EXOC4: variants seen among roughly 807,000 people sequenced by gnomAD.
EXOC4 encodes the protein exocyst complex component 4.
EXOC4 carries 71 observed loss-of-function variants against 107.2 expected under a neutral mutation model. The observed-to-expected ratio is 0.66, with a 90% confidence interval of 0.55 to 0.81. EXOC4 has a LOEUF of 0.81. EXOC4 is among the 30% of genes least tolerant of loss of function. EXOC4 has a pLI of 0.00. For missense variants in EXOC4, 1,108 were observed against 1,189.6 expected, an observed-to-expected ratio of 0.93 and a Z score of 1.01; for synonymous variants, 456 against 441.2, an observed-to-expected ratio of 1.03 and a Z score of -0.42.
chr7:133,976,121 C>G (rs1235211363), intron 14 of EXOC4, among the ~76,000 whole-genome samples: 1 of 152,168 alleles, frequency 6.6e-6, no homozygotes, highest in African/African-American at 2.4e-5. Context: ...CCTAGAATGA[C>G]TTAATGGTCA....
At chr7:133,439,200 T>TTTTTG (rs1798045664) in intron 7 of EXOC4, among the ~76,000 whole-genome samples, 1 of 147,636 alleles carries the variant, frequency 6.8e-6, no homozygotes, top group African/African-American at 2.5e-5. Flanking sequence ...TTTTTTTTTT[T>TTTTTG]TTTGAGATGG....
intron 10 of EXOC4, among the ~76,000 whole-genome samples, chr7:133,668,275 A>C (rs1173743112): frequency 6.6e-6 from 1 of 152,246 alleles, no homozygotes; most frequent in Non-Finnish European, 1.5e-5. Context: ...TAAGTCCAAT[A>C]AAAATGTATA....
At chr7:133,509,192 G>T (rs1799720321) in intron 9 of EXOC4, among the ~76,000 whole-genome samples, 1 of 152,152 alleles carries the variant, frequency 6.6e-6, no homozygotes, top group Admixed American at 6.5e-5. Flanking sequence ...ACTTTGGGAG[G>T]CCGAGGTGGG....
chr7:134,027,847 C>A (rs1259228218), intron 17 of EXOC4, among the ~76,000 whole-genome samples: 1 of 152,116 alleles, frequency 6.6e-6, no homozygotes, highest in Non-Finnish European at 1.5e-5. Context: ...GAGATGGTAT[C>A]TTCTAGCCCC....
chr7:134,041,696 G>T lies in EXOC4; in HGVS notation c.2688-22595G>T, dbSNP rs554803720. On this transcript the variant is annotated intron_variant, in intron 17 of 17. Transcript: ENST00000253861. ...AAAGATTTAGATAAGTGCTGAGGGGGCTTATTGAAAACTCCATAAAGTTCC... is the reference window on the plus strand; with the variant it reads ...AAAGATTTAGATAAGTGCTGAGGGGTCTTATTGAAAACTCCATAAAGTTCC... Among the ~76,000 whole-genome samples the T allele has an allele frequency of 2.6e-5, 4 of 152,182 alleles. No homozygotes were observed. In the East Asian group the frequency reaches 7.7e-4, roughly 29 times the overall value.
chr7:133,701,997 C>CTTTTTTTTTTTTTTTTTTT (rs71162021), intron 10 of EXOC4, among the ~76,000 whole-genome samples: 1 of 66,608 alleles, frequency 1.5e-5, no homozygotes, highest in African/African-American at 5.4e-5. Context: ...TTCTTTCTTT[C>CTTTTTTTTTTTTTTTTTTT]TTTTTTTTTT....
At chr7:133,867,540 A>C (rs978431565) in intron 11 of EXOC4, among the ~76,000 whole-genome samples, 18 of 152,080 alleles carry the variant, frequency 1.2e-4, no homozygotes, top group African/African-American at 4.1e-4. Flanking sequence ...TTTCCTGGGG[A>C]ACCATTCTTT....
At chr7:133,621,866 T>C (rs997625838) in intron 9 of EXOC4, among the ~76,000 whole-genome samples, 2 of 152,166 alleles carry the variant, frequency 1.3e-5, no homozygotes, top group African/African-American at 2.4e-5. Flanking sequence ...TGCAAGACGT[T>C]GTTTGGGTCT....
At chr7:133,456,148 C>A (rs1798458183) in intron 7 of EXOC4, among the ~76,000 whole-genome samples, 1 of 152,098 alleles carries the variant, frequency 6.6e-6, no homozygotes, top group Admixed American at 6.6e-5. Flanking sequence ...GTGAAAGCAC[C>A]TCTATTCCAG....
chr7:133,472,567 A>G (rs1020498880), intron 7 of EXOC4, among the ~76,000 whole-genome samples: 1 of 152,206 alleles, frequency 6.6e-6, no homozygotes, highest in African/African-American at 2.4e-5. Context: ...ATATGTGAAT[A>G]TATATCAAGC....
intron 14 of EXOC4, among the ~76,000 whole-genome samples, chr7:133,984,507 A>G (rs1307523224): frequency 2.0e-5 from 3 of 152,226 alleles, no homozygotes; most frequent in East Asian, 3.8e-4. Context: ...TTGTGAAAAT[A>G]TAATGAAAAA....
intron 9 of EXOC4, among the ~76,000 whole-genome samples, chr7:133,627,772 AT>A (rs889559319): frequency 1.3e-5 from 2 of 152,072 alleles, no homozygotes; most frequent in African/African-American, 4.8e-5. Flanking sequence ...TACAAGATGG[AT>A]TTTTTTTAAA....
chr7:133,735,099 G>A (rs530567453), intron 10 of EXOC4, among the ~76,000 whole-genome samples: 88 of 148,872 alleles, frequency 5.9e-4, no homozygotes, highest in African/African-American at 2.1e-3. Flanking sequence ...GATGGTGTGT[G>A]CCTGTAATCC....
rs187667881 is a variant in EXOC4 at position 134,059,194 on chromosome 7, C to T, written c.2688-5097C>T. 1.7e-4 allele frequency among the ~76,000 whole-genome samples: 26 copies of T among 152,172 alleles called. No individual in the cohort carries two copies. In the East Asian group the frequency reaches 3.9e-3, roughly 23 times the overall value. The stretch of plus-strand genomic sequence containing the variant: ...GTACAGGAACAAGAGTTGCCATGGG[C>T]GGGAATAGTTTATGTTAGTGAGTAT... On this transcript the variant is annotated intron_variant, in intron 17 of 17. Transcript: ENST00000253861.
intron 9 of EXOC4, among the ~76,000 whole-genome samples, chr7:133,486,902 A>G (rs536728589): frequency 6.6e-6 from 1 of 152,330 alleles, no homozygotes; most frequent in South Asian, 2.1e-4. Flanking sequence ...ACTTTCCTCA[A>G]GTCATGAACA....
chr7:133,752,409 C>T (rs990227893), intron 10 of EXOC4, among the ~76,000 whole-genome samples: 4 of 152,134 alleles, frequency 2.6e-5, no homozygotes, highest in Non-Finnish European at 5.9e-5. Context: ...TTTCCCAGTC[C>T]ACAATATTCT....
rs1473051066 is a variant in EXOC4 at position 133,817,646 on chromosome 7, C to T, written c.1734+102C>T. On this transcript the variant is annotated intron_variant, in intron 11 of 17. Transcript: ENST00000253861. ...AAGAATTACCATCTGTTTCCATATT[C>T]ATCAGGGACAAAACAAAAGAAAATA... is the stretch of plus-strand genomic sequence containing the variant. 3.7e-6 allele frequency: 3 copies of T among 809,576 alleles called. No individual in the cohort carries two copies. The African/African-American group carries it at 5.2e-5, about 14-fold the overall frequency. The allele number at this position is 809,576 out of a possible 1,614,324, so 50.1% of individuals were successfully genotyped here.
At chr7:133,799,298 A>G (rs2151193184) in intron 10 of EXOC4, among the ~76,000 whole-genome samples, 1 of 152,286 alleles carries the variant, frequency 6.6e-6, no homozygotes, top group Admixed American at 6.5e-5. Flanking sequence ...CAGAATGACT[A>G]GAGTCTGATA....
At chr7:133,829,803 G>A (rs148353695) in intron 11 of EXOC4, among the ~76,000 whole-genome samples, 1,531 of 152,284 alleles carry the variant, frequency 0.01, 17 homozygotes, top group Non-Finnish European at 0.016. Flanking sequence ...ACACACAGGA[G>A]CTCTGTCAGT....
Sources: allele counts gnomAD v4.1 joint callset (sites outside exome capture counted in the v4.1 genomes callset), GRCh38; gene constraint gnomAD v4.1.1; transcripts MANE v1.5; gene names NCBI Gene and HGNC (gene_info 2026-07-23, HGNC 2026-07-21).